The following STRIP2 variants were observed in gnomAD, a reference collection of about 807,000 sequenced individuals.
STRIP2 encodes striatin-interacting protein 2.
A neutral mutation model predicts 107.1 loss-of-function variants in STRIP2; 84 were observed. That is an observed-to-expected ratio of 0.78 (90% CI 0.66 to 0.94). The LOEUF (loss-of-function observed/expected upper bound fraction) is 0.94. Ranked by LOEUF, STRIP2 falls within the 40% of genes least tolerant of loss-of-function variation. The pLI is 0.00. For synonymous variants in STRIP2, 394 were observed against 400.4 expected (o/e 0.98, Z 0.19); for missense variants, 888 against 1,034.2 (o/e 0.86, Z 1.94).
chr7:129,476,272 C>A (rs1228149314), intron 18 of STRIP2, among the ~76,000 whole-genome samples: 1 of 150,872 alleles, frequency 6.6e-6, no homozygotes, highest in African/African-American at 2.4e-5. Flanking sequence ...GGGCGGCTGC[C>A]GGGCAGAGAC....
chr7:129,477,656 A>G (rs1208470982), intron 18 of STRIP2, among the ~76,000 whole-genome samples: 2 of 152,186 alleles, frequency 1.3e-5, no homozygotes, highest in Non-Finnish European at 2.9e-5. Context: ...ATCCAGATCT[A>G]TGTCCTTAAT....
Position 129,487,037 on chromosome 7 carries a change from G to C in STRIP2, c.*1208G>C, listed in dbSNP as rs1489455994. 1 of 90,710 alleles carries C rather than the reference G, an allele frequency of 1.1e-5. No individual in the cohort carries two copies. Among genetic ancestry groups the C allele is most frequent in the Non-Finnish European group, 2.0e-5 (1 of 50,526 alleles). The allele number at this position is 90,710 out of a possible 1,614,324, so 5.6% of individuals were successfully genotyped here. A position where few individuals can be genotyped will look rare whatever the true frequency, so the allele number is the denominator to read the frequency against. On this transcript the variant is annotated 3_prime_UTR_variant, in exon 21 of 21. Coordinates refer to ENST00000249344, the MANE Select transcript of STRIP2 (RefSeq NM_020704.3). ...TTTTTTTTTTTTTTTTTTTGAGACA[G>C]AGTTTCGCTCTTGTTGCCCAAGCTG... is the stretch of plus-strand genomic sequence containing the variant.
rs1180756258 is a variant in STRIP2, at chr7:129,458,113, A to G, written c.1039-102A>G. 2.3e-6 allele frequency: 2 copies of G among 881,816 alleles called. No individual in the cohort carries two copies. 54.6% of individuals were successfully genotyped at this position (881,816 alleles called of 1,614,324 possible). A position where few individuals can be genotyped will look rare whatever the true frequency, so the allele number is the denominator to read the frequency against. On this transcript the variant is annotated intron_variant, in intron 9 of 20. Transcript: ENST00000249344. The surrounding 1 kb of genome is among the most constrained non-coding windows in gnomAD (Gnocchi z 4.6). ...TTCGCAAGGGCTGTGTTCAGATTCC[A>G]TGTTCCCTGAAATGTGGAGGCCTGT...
At chr7:129,466,887 G>T (rs967501224) in intron 16 of STRIP2, among the ~76,000 whole-genome samples, 2 of 152,194 alleles carry the variant, frequency 1.3e-5, no homozygotes, top group Admixed American at 6.5e-5. Flanking sequence ...TGGAGCTGGA[G>T]CCCAGTGGTC....
At position 129,480,428 on chromosome 7, in the gene STRIP2, C is replaced by T. The variant is rs550310980; in HGVS notation, c.1945-357C>T. Among the ~76,000 whole-genome samples, 3 of 152,324 alleles carry T rather than the reference C, an allele frequency of 2.0e-5. No individual in the cohort carries two copies. The East Asian group carries it at 5.8e-4, about 29-fold the overall frequency. On this transcript the variant is annotated intron_variant, in intron 18 of 20. Transcript: ENST00000249344. ...GAATTAGACCTAATCCTAACAATTACAAACATAGTTTATATAAGCGCAAAG... is the reference window on the plus strand; with the variant it reads ...GAATTAGACCTAATCCTAACAATTATAAACATAGTTTATATAAGCGCAAAG...
Position 129,458,716 on chromosome 7 carries a change from A to G in STRIP2, c.1279A>G (p.Lys427Glu). The change falls in exon 11 of 21, where the codon AAG becomes GAG. Residue 427 changes from lysine to glutamate, a missense_variant. Physicochemically the swap from Lys to Glu is moderately conservative, Grantham distance 56. Transcript: ENST00000249344. The surrounding 1 kb of genome is among the most constrained non-coding windows in gnomAD (Gnocchi z 4.6). ...GLPWAPKVRQ[K>E]DIEHFLEMSR... is the part of the protein sequence containing the mutation. ...GTCTTTCCACCATCCTCTCAGACAG[A>G]AGGACATTGAGCACTTCTTGGAGAT... 6.2e-7 allele frequency: 1 copy of G among 1,614,150 alleles called. No homozygotes were observed. Among genetic ancestry groups the G allele is most frequent in the Non-Finnish European group, 8.5e-7 (1 of 1,180,022 alleles).
chr7:129,446,897 G>T (rs773844628), intron 3 of STRIP2, among the ~76,000 whole-genome samples: 1 of 152,202 alleles, frequency 6.6e-6, no homozygotes, highest in Non-Finnish European at 1.5e-5. Context: ...GGCAGTTGAG[G>T]TCGCATGGTG....
intron 14 of STRIP2, among the ~76,000 whole-genome samples, chr7:129,463,499 C>CT (rs750018679): frequency 0.032 from 4,582 of 145,020 alleles, 136 homozygotes; most frequent in African/African-American, 0.074. Flanking sequence ...AAAGAACAGT[C>CT]TTTTTTTTTT....
chr7:129,437,731 T>C (rs1184049774), intron 1 of STRIP2, among the ~76,000 whole-genome samples: 1 of 152,062 alleles, frequency 6.6e-6, no homozygotes, highest in African/African-American at 2.4e-5. Flanking sequence ...TTTTTCTTTT[T>C]CCCTACTGTT....
chr7:129,467,434 A>G lies in STRIP2; in HGVS notation c.1861A>G (p.Ile621Val), dbSNP rs745785530. ...KFFNQNILSY[I>V]TAKNSISVLD... ...CTTCAATCAAAATATCTTGTCATAC[A>G]TCACTGCCAAAAACAGGTATGAACT... The change falls in exon 17 of 21, where the codon ATC becomes GTC. Residue 621 changes from isoleucine (I) to valine (V), a missense_variant. Coordinates refer to ENST00000249344, the MANE Select transcript of STRIP2 (RefSeq NM_020704.3). 1 of 1,613,184 alleles carries G rather than the reference A, an allele frequency of 6.2e-7. No homozygotes were observed. The highest frequency in any genetic ancestry group is 8.5e-7 in the Non-Finnish European group (1 of 1,179,610).
chr7:129,460,390 T>C lies in STRIP2; in HGVS notation c.1476+18T>C. ...TGTCTTTGGTGAGCCAAGGAAGCCC[T>C]ACACAGGAGGAGAGTAGAAGAAAAC... On this transcript the variant is annotated intron_variant, in intron 13 of 20. Transcript: ENST00000249344. 6.2e-7 allele frequency: 1 copy of C among 1,609,464 alleles called. No homozygotes were observed. The highest frequency in any genetic ancestry group is 8.5e-7 in the Non-Finnish European group (1 of 1,176,782).
chr7:129,455,609 A>G (rs1798325334), intron 8 of STRIP2, among the ~76,000 whole-genome samples: 1 of 152,192 alleles, frequency 6.6e-6, no homozygotes, highest in Admixed American at 6.5e-5. Context: ...TGGGGATGTC[A>G]GTGGTACCTT....
chr7:129,476,209 C>CCACA lies in STRIP2; in HGVS notation c.1945-4575_1945-4574insACAC, dbSNP rs1196282710. Among the ~76,000 whole-genome samples, 70 of 150,346 alleles carry CCACA rather than the reference C, an allele frequency of 4.7e-4. 11 individuals are homozygous for CCACA. The East Asian group carries it at 7.0e-3, about 15-fold the overall frequency. ...GCGGGGGCTGCCCCCCACCTCCCTC[C>CCACA]CGGACGGGGCGGCTGGCCGGGCGGG... On this transcript the variant is annotated intron_variant, in intron 18 of 20. Transcript: ENST00000249344.
chr7:129,485,455 C>CAAAA (rs34127145), intron 20 of STRIP2, 124 bp from the exon 21 acceptor site: 206 of 770,106 alleles, frequency 2.7e-4, no homozygotes, highest in African/African-American at 4.5e-4. Context: ...TTGCTCTTTA[C>CAAAA]AAAAAAAAAA....
chr7:129,449,063 G>A (rs1383374425), intron 3 of STRIP2, among the ~76,000 whole-genome samples: 1 of 152,118 alleles, frequency 6.6e-6, no homozygotes, highest in Non-Finnish European at 1.5e-5. Flanking sequence ...CTCAGAGTGG[G>A]CCATCTTTTA....
intron 1 of STRIP2, among the ~76,000 whole-genome samples, chr7:129,435,829 T>C (rs1797722889): frequency 6.6e-6 from 1 of 152,186 alleles, no homozygotes; most frequent in African/African-American, 2.4e-5. Flanking sequence ...AACCAGGTTT[T>C]TGGCATCCCA....
intron 16 of STRIP2, among the ~76,000 whole-genome samples, chr7:129,467,105 G>A (rs1383062701): frequency 6.6e-6 from 1 of 152,134 alleles, no homozygotes; most frequent in Non-Finnish European, 1.5e-5. Context: ...TATTGGAGTG[G>A]GATTTTATTT....
At chr7:129,475,543 C>CTT (rs11432356) in intron 18 of STRIP2, among the ~76,000 whole-genome samples, 6 of 83,442 alleles carry the variant, frequency 7.2e-5, no homozygotes, top group Admixed American at 1.4e-4. Flanking sequence ...GGTGATGACT[C>CTT]TTTTTTTTTC....
At position 129,449,362 on chromosome 7, in the gene STRIP2, G is replaced by A. The variant is rs562355630; in HGVS notation, c.275-2251G>A. ...CCTCTAGGGGCCTGCCAGGACTTTC[G>A]TCTAGTTATAGGTCTAGAACCAAAC... is the stretch of plus-strand genomic sequence containing the variant. On this transcript the variant is annotated intron_variant, in intron 3 of 20. Coordinates refer to ENST00000249344, the MANE Select transcript of STRIP2 (RefSeq NM_020704.3). Among the ~76,000 whole-genome samples, 12 of 152,262 alleles carry A rather than the reference G, an allele frequency of 7.9e-5. No homozygotes were observed. In the East Asian group the frequency reaches 1.4e-3, roughly 17 times the overall value.
Sources: gnomAD v4.1 joint callset for allele counts (sites outside exome capture counted in the v4.1 genomes callset) on GRCh38, gnomAD v4.1.1 for gene constraint, Gnocchi (gnomAD v3.1) non-coding constraint, MANE v1.5 for transcripts, NCBI Gene and HGNC (gene_info 2026-07-23, HGNC 2026-07-21) for gene names.